Variants in CEP57L1 observed in about 807,000 individuals in gnomAD.
CEP57L1 encodes centrosomal protein CEP57L1.
In CEP57L1, 37 loss-of-function variants were observed where a neutral mutation model predicts 61.0. The observed-to-expected ratio is 0.61, with a 90% CI of 0.47 to 0.80. CEP57L1 has a LOEUF of 0.80. Among genes scored for constraint, CEP57L1 ranks in the 30% least tolerant of loss-of-function variants. CEP57L1 has a pLI of 0.00. For missense variants in CEP57L1, 422 were observed against 524.7 expected, an observed-to-expected ratio of 0.80 and a Z score of 1.91; for synonymous variants, 137 against 162.3, an observed-to-expected ratio of 0.84 and a Z score of 1.19.
At chr6:109,137,177 T>A (rs566458748) in intron 1 of CEP57L1, among the ~76,000 whole-genome samples, 209 of 152,360 alleles carry the variant, frequency 1.4e-3, no homozygotes, top group African/African-American at 4.8e-3. Context: ...TTTGTAATAG[T>A]AATATATTTA....
intron 1 of CEP57L1, among the ~76,000 whole-genome samples, chr6:109,107,007 A>G (rs1009066557): frequency 2.0e-5 from 3 of 152,196 alleles, no homozygotes; most frequent in African/African-American, 7.2e-5. Flanking sequence ...TTCTCCTTAA[A>G]TATGTAATAG....
chr6:109,146,786 G>A lies in CEP57L1; in HGVS notation c.189G>A (p.Gln63=), dbSNP rs771294297. The change falls in exon 3 of 11, where the codon CAG becomes CAA. Residue 63 remains glutamine, a synonymous_variant. Transcript: ENST00000517392. ...QALILALKTL[Q]EKIHRLELER... ...TTATTTTAGCCTTAAAAACTCTTCAGGAAAAAATTCATCGTTTAGAGCTGG... is the reference window on the plus strand; with the variant it reads ...TTATTTTAGCCTTAAAAACTCTTCAAGAAAAAATTCATCGTTTAGAGCTGG... The A allele has an allele frequency of 1.9e-6, 3 of 1,576,252 alleles. No homozygotes were observed. In the East Asian group the frequency reaches 6.9e-5, roughly 36 times the overall value.
intron 1 of CEP57L1, among the ~76,000 whole-genome samples, chr6:109,100,692 A>G (rs1469300397): frequency 6.8e-6 from 1 of 147,870 alleles, no homozygotes; most frequent in Non-Finnish European, 1.5e-5. Context: ...AAAAAAAAAA[A>G]GAAGAAAGAA....
chr6:109,129,577 C>T (rs939626155), intron 1 of CEP57L1: 45 of 454,158 alleles, frequency 9.9e-5, no homozygotes, highest in Non-Finnish European at 1.9e-4. Flanking sequence ...AACCTGTTCT[C>T]TAGTTTCCAG....
At chr6:109,118,623 G>A (rs1377029642) in intron 1 of CEP57L1, among the ~76,000 whole-genome samples, 3 of 152,190 alleles carry the variant, frequency 2.0e-5, no homozygotes, top group Non-Finnish European at 4.4e-5. Flanking sequence ...TTGCTAATAC[G>A]AATAAGAATT....
At chr6:109,144,012 C>T (rs371827737) in intron 1 of CEP57L1, among the ~76,000 whole-genome samples, 4 of 152,074 alleles carry the variant, frequency 2.6e-5, no homozygotes, top group Non-Finnish European at 4.4e-5. Flanking sequence ...TAGATAGATG[C>T]GGTATCCCAT....
At chr6:109,150,755 C>T (rs1022315746) in intron 4 of CEP57L1, among the ~76,000 whole-genome samples, 3 of 150,914 alleles carry the variant, frequency 2.0e-5, no homozygotes, top group Middle Eastern at 3.2e-3. Context: ...GACTTCTCAA[C>T]TCAAAGTACT....
rs17603248 is a variant in CEP57L1, at chr6:109,166,907, C to G, written c.*3937C>G. On this transcript the variant is annotated 3_prime_UTR_variant, in exon 11 of 11. Coordinates refer to ENST00000517392, the MANE Select transcript of CEP57L1 (RefSeq NM_001271852.3). ...TATTCAGCTGTAACTAAAGCTTTAT[C>G]TACTGAGAACATTTAATTGTAGGTG... 7.5e-3 allele frequency among the ~76,000 whole-genome samples: 1,143 copies of G among 152,222 alleles called. 18 individuals are homozygous for G. Among genetic ancestry groups the G allele is most frequent in the African/African-American group, 0.026 (1,094 of 41,512 alleles).
At chr6:109,151,446 T>C (rs1192646721) in intron 4 of CEP57L1, among the ~76,000 whole-genome samples, 1 of 152,172 alleles carries the variant, frequency 6.6e-6, no homozygotes, top group Non-Finnish European at 1.5e-5. Context: ...TCACATGTAA[T>C]GTAGGATCCT....
chr6:109,171,897 T>G lies in CEP57L1; in HGVS notation c.*8927T>G, dbSNP rs1774423356. 6.6e-6 allele frequency among the ~76,000 whole-genome samples: 1 copy of G among 152,138 alleles called. No homozygotes were observed. The highest frequency in any genetic ancestry group is 1.5e-5 in the Non-Finnish European group (1 of 68,024). On this transcript the variant is annotated 3_prime_UTR_variant, in exon 11 of 11. Coordinates refer to ENST00000517392, the MANE Select transcript of CEP57L1 (RefSeq NM_001271852.3). ...GGAAAGGCTCAAGGTTTCATTTACA[T>G]GGGAAATGAGAACTAGACAGTGTGG... is the stretch of plus-strand genomic sequence containing the variant.
chr6:109,095,384 A>T (rs567969352), upstream of CEP57L1: 2 of 985,900 alleles, frequency 2.0e-6, no homozygotes, highest in South Asian at 4.7e-5. Context: ...CGGCCTCTTC[A>T]TTACTCCAAA....
chr6:109,095,678 T>C, intron 1 of CEP57L1, 103 bp downstream of exon 1: 1 of 716,282 alleles, frequency 1.4e-6, no homozygotes, highest in Non-Finnish European at 1.7e-6. Flanking sequence ...TGGCCTCCCT[T>C]AGTCCAAGGA....
At chr6:109,101,592 A>C (rs1372299495) in intron 1 of CEP57L1, among the ~76,000 whole-genome samples, 1 of 151,920 alleles carries the variant, frequency 6.6e-6, no homozygotes, top group East Asian at 1.9e-4. Context: ...GCTTTGTAAG[A>C]AACTCACAGC....
chr6:109,143,057 A>C (rs754314432), intron 1 of CEP57L1, among the ~76,000 whole-genome samples: 19 of 145,292 alleles, frequency 1.3e-4, no homozygotes, highest in Non-Finnish European at 1.9e-4. Flanking sequence ...TGTGTTAGCA[A>C]TCTGACTCCC....
chr6:109,126,477 T>C (rs1159271978), intron 1 of CEP57L1, among the ~76,000 whole-genome samples: 1 of 152,240 alleles, frequency 6.6e-6, no homozygotes, highest in East Asian at 1.9e-4. Flanking sequence ...TAATCTGTTA[T>C]TTGTATCTAT....
In CEP57L1 at chr6:109,098,338, G is replaced by A. The variant is rs955600265; in HGVS notation, c.-4+2763G>A. 1.2e-4 allele frequency among the ~76,000 whole-genome samples: 19 copies of A among 152,194 alleles called. 1 individual carries two copies. Among genetic ancestry groups the A allele is most frequent in the Admixed American group, 1.2e-3 (19 of 15,298 alleles). ...AATTTTGTGTTTTTAGTAGAGACAG[G>A]GTTTCACCATGTTGGTCAGGCTGGT... On this transcript the variant is annotated intron_variant, in intron 1 of 10. Transcript: ENST00000517392.
rs963645194 is a variant in CEP57L1, at chr6:109,173,370, T to C, written c.*10400T>C. On this transcript the variant is annotated 3_prime_UTR_variant, in exon 11 of 11. Transcript: ENST00000517392. ...AGGGTGGCCTATTGAGAGTTTGAGA[T>C]AAAGAAGAAAGGAATCTTTCCTTTC... 1.3e-5 allele frequency among the ~76,000 whole-genome samples: 2 copies of C among 151,014 alleles called. No individual in the cohort carries two copies. The highest frequency in any genetic ancestry group is 2.4e-5 in the African/African-American group (1 of 41,214).
Position 109,134,036 on chromosome 6 carries a change from C to G in CEP57L1, c.-3-11183C>G, listed in dbSNP as rs369419711. Among the ~76,000 whole-genome samples the G allele has an allele frequency of 5.6e-3, 846 of 152,184 alleles. 10 individuals carry two copies. Among genetic ancestry groups the G allele is most frequent in the African/African-American group, 0.019 (786 of 41,520 alleles). On this transcript the variant is annotated intron_variant, in intron 1 of 10. Coordinates refer to ENST00000517392, the MANE Select transcript of CEP57L1 (RefSeq NM_001271852.3). ...GAAACTATTCCAATCAATAGAAAAACAGGGAATCCTCCCTAACTCATTTTA... is the reference window on the plus strand; with the variant it reads ...GAAACTATTCCAATCAATAGAAAAAGAGGGAATCCTCCCTAACTCATTTTA...
chr6:109,159,819 G>A (rs1374096672), intron 9 of CEP57L1, among the ~76,000 whole-genome samples: 1 of 151,918 alleles, frequency 6.6e-6, no homozygotes, highest in African/African-American at 2.4e-5. Context: ...CCCAAAATCT[G>A]GACTGATAGA....
Sources: gnomAD v4.1 joint callset for allele counts (sites outside exome capture counted in the v4.1 genomes callset) on GRCh38, gnomAD v4.1.1 for gene constraint, MANE v1.5 for transcripts, NCBI Gene and HGNC (gene_info 2026-07-23, HGNC 2026-07-21) for gene names.